Variants in RALYL observed in about 807,000 individuals in gnomAD.
RALYL encodes RALY RNA binding protein like, also known as RNA-binding Raly-like protein.
Under a neutral mutation model 35.1 loss-of-function variants are expected in RALYL, and 29 were observed. That is an observed-to-expected ratio of 0.83 (90% confidence interval 0.61 to 1.13). RALYL has a LOEUF of 1.13. Among genes scored for constraint, RALYL ranks in the 50% most tolerant of loss-of-function variants. RALYL has a pLI of 0.00. For missense variants in RALYL, 359 were observed against 360.4 expected (o/e 1.00, Z 0.03); for synonymous variants, 120 against 127.6 (o/e 0.94, Z 0.40).
chr8:84,394,061 T>C (rs1035076705), intron 1 of RALYL, among the ~76,000 whole-genome samples: 2 of 152,066 alleles, frequency 1.3e-5, no homozygotes, highest in African/African-American at 4.8e-5. Flanking sequence ...CTGAAGACAG[T>C]GTATTTGTTG....
rs79184613 is a variant in RALYL, at chr8:84,573,777, A to G, written c.256+44200A>G. Among the ~76,000 whole-genome samples, 1,119 of 151,944 alleles carry G rather than the reference A, an allele frequency of 7.4e-3. 10 individuals carry two copies. The highest frequency in any genetic ancestry group is 8.9e-3 in the Non-Finnish European group (601 of 67,832). ...CTGTATTTTCTCTGATCTCTTTTGA[A>G]TAGTGTTAAATCAGCTATTAATCCC... On this transcript the variant is annotated intron_variant, in intron 2 of 8. Coordinates refer to ENST00000521268, the MANE Select transcript of RALYL (RefSeq NM_173848.7).
At chr8:84,770,876 C>T (rs969077786) in intron 2 of RALYL, among the ~76,000 whole-genome samples, 1 of 152,026 alleles carries the variant, frequency 6.6e-6, no homozygotes, top group African/African-American at 2.4e-5. Context: ...ATATGCTTAG[C>T]CCACTTTTTG....
intron 3 of RALYL, among the ~76,000 whole-genome samples, chr8:84,778,952 A>T (rs1817480872): frequency 6.6e-6 from 1 of 152,232 alleles, no homozygotes; most frequent in African/African-American, 2.4e-5. Context: ...GAATTATTTC[A>T]GTCTTGGACA....
chr8:84,259,734 T>G (rs1444994727), intron 1 of RALYL, among the ~76,000 whole-genome samples: 1 of 152,172 alleles, frequency 6.6e-6, no homozygotes, highest in Non-Finnish European at 1.5e-5. Flanking sequence ...TTTTCATACT[T>G]ACTGATGATT....
At chr8:84,898,750 A>G (rs1244249338) in intron 8 of RALYL, among the ~76,000 whole-genome samples, 2 of 152,124 alleles carry the variant, frequency 1.3e-5, no homozygotes, top group Admixed American at 1.3e-4. Context: ...TCAGGGATTG[A>G]CTTTCCTGAA....
At chr8:84,704,370 A>G (rs1392205595) in intron 2 of RALYL, among the ~76,000 whole-genome samples, 1 of 151,980 alleles carries the variant, frequency 6.6e-6, no homozygotes, top group Non-Finnish European at 1.5e-5. Context: ...GTTTGCAGTG[A>G]GCCTAGATCG....
At chr8:84,417,615 T>A (rs1021858290) in intron 1 of RALYL, among the ~76,000 whole-genome samples, 1 of 152,032 alleles carries the variant, frequency 6.6e-6, no homozygotes, top group Admixed American at 6.6e-5. Flanking sequence ...GTCACCTCTC[T>A]TTTTATTCTC....
At chr8:84,882,462 C>T (rs1167594444) in intron 7 of RALYL, among the ~76,000 whole-genome samples, 2 of 151,966 alleles carry the variant, frequency 1.3e-5, no homozygotes, top group East Asian at 1.9e-4. Context: ...AATGTGGCAA[C>T]GAGGTTTTTC....
chr8:84,611,450 T>C (rs1182197955), intron 2 of RALYL, among the ~76,000 whole-genome samples: 2 of 152,144 alleles, frequency 1.3e-5, no homozygotes, highest in African/African-American at 4.8e-5. Flanking sequence ...TCAGCCACTC[T>C]ATTCACAGCT....
At chr8:84,840,415 GAGAAAAA>G (rs1028656163) in intron 4 of RALYL, among the ~76,000 whole-genome samples, 6 of 152,056 alleles carry the variant, frequency 3.9e-5, no homozygotes, top group South Asian at 2.1e-4. Context: ...GAGAAGTTTA[GAGAAAAA>G]AGAAAAAAGA....
chr8:84,821,531 A>T (rs969417676), intron 4 of RALYL, among the ~76,000 whole-genome samples: 1 of 152,214 alleles, frequency 6.6e-6, no homozygotes, highest in East Asian at 1.9e-4. Flanking sequence ...TTTTAGAGCT[A>T]TTGTGAATCC....
intron 2 of RALYL, among the ~76,000 whole-genome samples, chr8:84,547,783 C>T (rs2060462499): frequency 1.3e-5 from 2 of 152,150 alleles, no homozygotes; most frequent in South Asian, 4.1e-4. Context: ...GGTAAACATT[C>T]ATATGATAAA....
intron 6 of RALYL, among the ~76,000 whole-genome samples, chr8:84,870,377 C>G (rs1839981096): frequency 6.6e-6 from 1 of 151,616 alleles, no homozygotes; most frequent in Non-Finnish European, 1.5e-5. Context: ...TCTGCCTCAG[C>G]CTCCCAAGTA....
intron 1 of RALYL, among the ~76,000 whole-genome samples, chr8:84,432,897 C>T (rs919724571): frequency 1.3e-5 from 2 of 151,820 alleles, no homozygotes; most frequent in Non-Finnish European, 2.9e-5. Context: ...AGACTTCTAT[C>T]CTCCAGAACT....
chr8:84,920,270 C>T (rs959498841), intron 8 of RALYL, among the ~76,000 whole-genome samples: 2 of 151,994 alleles, frequency 1.3e-5, no homozygotes, highest in Non-Finnish European at 2.9e-5. Flanking sequence ...ATAATTTTCC[C>T]CACTGATTGA....
At chr8:84,882,275 C>T (rs1233779086) in intron 7 of RALYL, among the ~76,000 whole-genome samples, 1 of 151,978 alleles carries the variant, frequency 6.6e-6, no homozygotes, top group Non-Finnish European at 1.5e-5. Flanking sequence ...AAGAAGCCAA[C>T]AGACACTCCA....
At chr8:84,677,669 A>G (rs1240587097) in intron 2 of RALYL, among the ~76,000 whole-genome samples, 2 of 152,212 alleles carry the variant, frequency 1.3e-5, no homozygotes, top group East Asian at 3.8e-4. Flanking sequence ...ATTTATTGAT[A>G]TTTTGTGCAA....
intron 1 of RALYL, among the ~76,000 whole-genome samples, chr8:84,237,959 T>C (rs1019425079): frequency 2.0e-5 from 3 of 149,650 alleles, no homozygotes; most frequent in Non-Finnish European, 3.0e-5. Flanking sequence ...GGAAATCAGC[T>C]ATTAAAATAT....
chr8:84,358,817 ACT>A (rs1268070064), intron 1 of RALYL, among the ~76,000 whole-genome samples: 1 of 151,726 alleles, frequency 6.6e-6, no homozygotes, highest in Non-Finnish European at 1.5e-5. Flanking sequence ...AAAATGAAAG[ACT>A]CTTGCAGAGA....
Sources: gnomAD v4.1 joint callset for allele counts (sites outside exome capture counted in the v4.1 genomes callset) on GRCh38, gnomAD v4.1.1 for gene constraint, MANE v1.5 for transcripts, NCBI Gene and HGNC (gene_info 2026-07-23, HGNC 2026-07-21) for gene names.